PRKCH: variants seen among roughly 807,000 people sequenced by gnomAD.
PRKCH encodes protein kinase C eta type.
In PRKCH, 28 loss-of-function variants were observed where a neutral mutation model predicts 82.5. That is an observed-to-expected ratio of 0.34 (90% CI 0.25 to 0.47). The LOEUF (loss-of-function observed/expected upper bound fraction) is 0.47, where lower values mean the gene tolerates loss of function less well. PRKCH is among the 20% of genes least tolerant of loss of function. The probability of loss-of-function intolerance (pLI) is 1.00; values close to 1 mark genes in which losing one functional copy is unlikely to be tolerated. For missense variants in PRKCH, 705 were observed against 881.8 expected, an observed-to-expected ratio of 0.80 and a Z score of 2.54; for synonymous variants, 322 against 327.4, an observed-to-expected ratio of 0.98 and a Z score of 0.18.
intron 7 of PRKCH, among the ~76,000 whole-genome samples, chr14:61,454,276 G>C (rs752512607): frequency 3.3e-5 from 5 of 151,730 alleles, no homozygotes; most frequent in Non-Finnish European, 5.9e-5. Context: ...GCTGATTTTT[G>C]TATTTTTAGT....
chr14:61,258,793 T>C (rs1198801421), intron 1 of PRKCH, among the ~76,000 whole-genome samples: 2 of 152,232 alleles, frequency 1.3e-5, no homozygotes, highest in Admixed American at 6.5e-5. Flanking sequence ...GCCTTAACTT[T>C]GCCCATTTTC....
At chr14:61,430,173 A>C (rs904970351) in intron 2 of PRKCH, among the ~76,000 whole-genome samples, 1 of 152,250 alleles carries the variant, frequency 6.6e-6, no homozygotes, top group Admixed American at 6.5e-5. Context: ...TTGAACAGAC[A>C]TTTTCTCAAA....
At chr14:61,340,280 G>A (rs79653372) in intron 1 of PRKCH, among the ~76,000 whole-genome samples, 1,704 of 151,132 alleles carry the variant, frequency 0.011, 45 homozygotes, top group African/African-American at 0.039. Context: ...CTGTTTCTGT[G>A]TTTTTCCAAT....
intron 2 of PRKCH, among the ~76,000 whole-genome samples, chr14:61,405,004 C>G (rs559045091): frequency 3.0e-4 from 45 of 152,314 alleles, no homozygotes; most frequent in African/African-American, 1.1e-3. Flanking sequence ...TGCTGGCTTA[C>G]CATTTGGCTC....
intron 10 of PRKCH, among the ~76,000 whole-genome samples, chr14:61,494,114 G>T: frequency 6.6e-6 from 1 of 152,158 alleles, no homozygotes; most frequent in Non-Finnish European, 1.5e-5. Flanking sequence ...AGGGGCATAG[G>T]AGTCTGAAGC....
At chr14:61,339,209 A>C (rs1011063176) in intron 1 of PRKCH, among the ~76,000 whole-genome samples, 1 of 151,772 alleles carries the variant, frequency 6.6e-6, no homozygotes, top group Non-Finnish European at 1.5e-5. Flanking sequence ...CCTCCTGTTC[A>C]GGCTTAGCCC....
intron 1 of PRKCH, among the ~76,000 whole-genome samples, chr14:61,381,254 C>G (rs1236811880): frequency 6.6e-6 from 1 of 152,156 alleles, no homozygotes; most frequent in African/African-American, 2.4e-5. Context: ...TCTGACCTCA[C>G]ATAGGATCCG....
intron 12 of PRKCH, among the ~76,000 whole-genome samples, chr14:61,531,732 C>T (rs1272422661): frequency 6.6e-6 from 1 of 152,206 alleles, no homozygotes; most frequent in Non-Finnish European, 1.5e-5. Context: ...TGAGAAAGCA[C>T]TAATTTCACA....
intron 1 of PRKCH, among the ~76,000 whole-genome samples, chr14:61,188,734 TGTGTGA>T (rs2044387813): frequency 6.9e-6 from 1 of 145,758 alleles, no homozygotes. Flanking sequence ...TGTGTGTGTG[TGTGTGA>T]TGGAGTTTTG....
chr14:61,212,366 A>G (rs1310268267), intron 1 of PRKCH, among the ~76,000 whole-genome samples: 7 of 152,200 alleles, frequency 4.6e-5, no homozygotes, highest in African/African-American at 1.7e-4. Flanking sequence ...AGAAGTATCA[A>G]TTTTCAGAGA....
intron 1 of PRKCH, among the ~76,000 whole-genome samples, chr14:61,378,224 C>CTTTTTTT (rs552301917): frequency 1.4e-5 from 2 of 139,476 alleles, no homozygotes; most frequent in African/African-American, 5.4e-5. Context: ...TTTTCTTTTT[C>CTTTTTTT]TTTTTTTTTT....
At chr14:61,236,716 A>C (rs963354001) in intron 1 of PRKCH, among the ~76,000 whole-genome samples, 23 of 146,036 alleles carry the variant, frequency 1.6e-4, no homozygotes, top group African/African-American at 5.4e-4. Flanking sequence ...AAAACAAAAA[A>C]AAAAAAAAAA....
intron 10 of PRKCH, among the ~76,000 whole-genome samples, chr14:61,499,247 T>G (rs1458436574): frequency 1.3e-5 from 2 of 152,234 alleles, no homozygotes; most frequent in African/African-American, 4.8e-5. Context: ...TTTTTTCCTT[T>G]GTCTTGCAAA....
intron 1 of PRKCH, among the ~76,000 whole-genome samples, chr14:61,249,522 C>CA (rs374942372): frequency 0.57 from 68,628 of 120,982 alleles, 20,511 homozygotes; most frequent in East Asian, 0.78. Flanking sequence ...CGAAGCTTTC[C>CA]AAAAAAAAAA....
chr14:61,501,910 C>T (rs961772156), intron 10 of PRKCH, among the ~76,000 whole-genome samples: 24 of 152,040 alleles, frequency 1.6e-4, no homozygotes, highest in Non-Finnish European at 1.9e-4. Context: ...CATATGCAAG[C>T]TCTGCATTTG....
In PRKCH at chr14:61,300,747, C is replaced by T. The variant is rs535979266; in HGVS notation, c.-19+113079C>T. Among the ~76,000 whole-genome samples the T allele has an allele frequency of 2.0e-5, 3 of 152,282 alleles. No individual in the cohort carries two copies. In the East Asian group the frequency reaches 5.8e-4, roughly 29 times the overall value. On this transcript the variant is annotated intron_variant, in intron 1 of 3. Transcript: ENST00000555185. ...GACTGATAAGCAAGCTGCAAGCTTG[C>T]ACGGGTGAATGGCTGGCAGCTGTGA...
intron 1 of PRKCH, among the ~76,000 whole-genome samples, chr14:61,301,734 A>G (rs1356447781): frequency 2.0e-5 from 3 of 152,154 alleles, no homozygotes; most frequent in Non-Finnish European, 4.4e-5. Context: ...CCAGCTACTC[A>G]GGAGGCTGAG....
At chr14:61,265,967 C>A (rs983925879) in intron 1 of PRKCH, among the ~76,000 whole-genome samples, 11 of 152,090 alleles carry the variant, frequency 7.2e-5, no homozygotes, top group Admixed American at 6.5e-5. Context: ...TGGTGGCATG[C>A]GCCTGTAATC....
intron 1 of PRKCH, among the ~76,000 whole-genome samples, chr14:61,286,566 C>G (rs1434878141): frequency 6.6e-6 from 1 of 151,834 alleles, no homozygotes; most frequent in Non-Finnish European, 1.5e-5. Context: ...CACCTGAGGT[C>G]GGGAGTTCGA....
Sources: gnomAD v4.1 joint callset for allele counts (sites outside exome capture counted in the v4.1 genomes callset) on GRCh38, gnomAD v4.1.1 for gene constraint, MANE v1.5 for transcripts, NCBI Gene and HGNC (gene_info 2026-07-23, HGNC 2026-07-21) for gene names.